The following CYP4F8 variants were observed in gnomAD, a reference collection of about 807,000 sequenced individuals.
The protein encoded by CYP4F8 is cytochrome P450 4F8.
In CYP4F8, 56 loss-of-function variants were observed where a neutral mutation model predicts 55.0. The observed-to-expected ratio is 1.02, with a 90% CI of 0.82 to 1.27. The LOEUF (loss-of-function observed/expected upper bound fraction) is 1.27. CYP4F8 is among the 50% of genes most tolerant of loss of function. The pLI is 0.00. For missense variants in CYP4F8, 680 were observed against 682.4 expected (o/e 1.00, Z 0.04); for synonymous variants, 288 against 267.3 (o/e 1.08, Z -0.76).
intron 9 of CYP4F8, among the ~76,000 whole-genome samples, chr19:15,626,970 G>A (rs562727909): frequency 3.9e-5 from 6 of 152,268 alleles, no homozygotes; most frequent in African/African-American, 7.2e-5. Context: ...CTCCAGGGGC[G>A]TGTGGACCTT....
chr19:15,626,605 ATATCTATCTATC>A (rs57706048), intron 9 of CYP4F8, among the ~76,000 whole-genome samples: 197 of 146,946 alleles, frequency 1.3e-3, no homozygotes, highest in African/African-American at 2.3e-3. Context: ...ATTGTTCTGG[ATATCTATCTATC>A]TATCTATCTA....
At chr19:15,622,133 G>T in intron 5 of CYP4F8, 86 bp from the exon 6 acceptor site, 3 of 1,511,022 alleles carry the variant, frequency 2.0e-6, no homozygotes, top group East Asian at 4.7e-5. Context: ...GCATGCCTCT[G>T]GGGGAGTCCA....
intron 5 of CYP4F8, chr19:15,621,891 G>T (rs1304344081): frequency 4.8e-6 from 1 of 207,094 alleles, no homozygotes; most frequent in African/African-American, 2.3e-5. Flanking sequence ...GGGGAAAAGG[G>T]GTTCTAGCCT....
chr19:15,618,823 C>G (rs1415516389), intron 3 of CYP4F8: 7 of 179,874 alleles, frequency 3.9e-5, no homozygotes, highest in Non-Finnish European at 6.0e-5. Context: ...TCATTGCCCT[C>G]TTGCTCCAGG....
rs1394894950 is a variant in CYP4F8 at position 15,630,499 on chromosome 19, G to A, written c.*1141G>A. On this transcript the variant is annotated 3_prime_UTR_variant, in exon 13 of 13. Transcript: ENST00000612078. The stretch of plus-strand genomic sequence containing the variant: ...ATGTTGCTGCAAACGACATGATTTT[G>A]TACTTTTTAATGACTGCATAGTATT... The A allele has an allele frequency of 6.6e-6, 1 of 152,212 alleles. No individual in the cohort carries two copies. Among genetic ancestry groups the A allele is most frequent in the Non-Finnish European group, 1.5e-5 (1 of 68,042 alleles). The allele number at this position is 152,212 out of a possible 1,614,324, so 9.4% of individuals were successfully genotyped here.
At chr19:15,624,243 C>T in intron 9 of CYP4F8, 149 bp downstream of exon 9, 3 of 1,356,454 alleles carry the variant, frequency 2.2e-6, no homozygotes, top group Non-Finnish European at 9.8e-7. Context: ...CAGAAACAGG[C>T]TAGCAAGGGT....
In CYP4F8 at chr19:15,628,971, G is replaced by A. The variant is rs920852950; in HGVS notation, c.1397+128G>A. 3.1e-6 allele frequency: 4 copies of A among 1,289,632 alleles called. No homozygotes were observed. In the South Asian group the frequency reaches 4.3e-5, roughly 14 times the overall value. The allele number at this position is 1,289,632 out of a possible 1,614,324, so 79.9% of individuals were successfully genotyped here. On this transcript the variant is annotated intron_variant, in intron 12 of 12. Coordinates refer to ENST00000612078, the MANE Select transcript of CYP4F8 (RefSeq NM_007253.4). Reference sequence around the variant, plus strand: ...GTTTTAAAGAAGATCCTAGGAAAAAGGGTGTGCTCAGAGCCTCCTGCCCCG... The same window carrying A: ...GTTTTAAAGAAGATCCTAGGAAAAAAGGTGTGCTCAGAGCCTCCTGCCCCG...
At chr19:15,622,906 A>C in intron 6 of CYP4F8, 199 bp from the exon 7 acceptor site, 1 of 610,058 alleles carries the variant, frequency 1.6e-6, no homozygotes, top group Non-Finnish European at 2.9e-6. Context: ...CAGAGAGAGG[A>C]GATGCCCATG....
At chr19:15,617,805 G>A (rs1473322000) in intron 2 of CYP4F8, among the ~76,000 whole-genome samples, 195 bp from the exon 3 acceptor site, 2 of 152,184 alleles carry the variant, frequency 1.3e-5, no homozygotes, top group African/African-American at 4.8e-5. Context: ...ATTCTACGTG[G>A]ACCCTCAACA....
intron 2 of CYP4F8, among the ~76,000 whole-genome samples, chr19:15,617,678 G>A (rs1462329391): frequency 2.6e-5 from 4 of 152,150 alleles, no homozygotes; most frequent in African/African-American, 9.7e-5. Flanking sequence ...CACTGGTGGT[G>A]CAATTCCGTC....
chr19:15,622,252 A>G lies in CYP4F8; in HGVS notation c.559A>G (p.Thr187Ala), dbSNP rs775750428. The change falls in exon 6 of 13, where the codon ACC becomes GCC. Residue 187 changes from threonine to alanine, a missense_variant. Transcript: ENST00000612078. ...KWQRLAMEGS[T>A]CLDVFEHISL... ...GCAACGCCTGGCCATGGAGGGCAGC[A>G]CCTGTCTGGATGTGTTTGAGCACAT... 6.2e-7 allele frequency: 1 copy of G among 1,613,734 alleles called. No individual in the cohort carries two copies. Among genetic ancestry groups the G allele is most frequent in the Admixed American group, 1.7e-5 (1 of 60,002 alleles).
intron 10 of CYP4F8, 39 bp from the exon 11 acceptor site, chr19:15,628,492 G>T: frequency 6.2e-7 from 1 of 1,613,432 alleles, no homozygotes; most frequent in Non-Finnish European, 8.5e-7. Flanking sequence ...CCAGCAGGCA[G>T]CTCGGACCTT....
At chr19:15,623,574 G>T in intron 7 of CYP4F8, 125 bp from the exon 8 acceptor site, 1 of 990,736 alleles carries the variant, frequency 1.0e-6, no homozygotes, top group Non-Finnish European at 1.4e-6. Context: ...TCGGAAGGAA[G>T]CATGTGGGGG....
chr19:15,629,143 G>A (rs1341338683), intron 12 of CYP4F8, 50 bp from the exon 13 acceptor site: 6 of 1,525,212 alleles, frequency 3.9e-6, no homozygotes, highest in Non-Finnish European at 5.3e-6. Context: ...GCGCAGTGGG[G>A]CCGGGATCTG....
intron 3 of CYP4F8, 82 bp from the exon 4 acceptor site, chr19:15,619,408 C>T: frequency 1.9e-6 from 3 of 1,549,716 alleles, no homozygotes; most frequent in South Asian, 1.2e-5. Flanking sequence ...ACGTCCAAAC[C>T]TCTGGCTGGG....
intron 9 of CYP4F8, among the ~76,000 whole-genome samples, chr19:15,624,974 G>A (rs1256287422): frequency 6.6e-6 from 1 of 151,766 alleles, no homozygotes; most frequent in Non-Finnish European, 1.5e-5. Flanking sequence ...GCAAAATGTT[G>A]CCTCGCATTG....
chr19:15,629,275 G>A lies in CYP4F8; in HGVS notation c.1480G>A (p.Asp494Asn), dbSNP rs774665584. The A allele has an allele frequency of 1.4e-5, 22 of 1,613,332 alleles. No individual in the cohort carries two copies. Among genetic ancestry groups the A allele is most frequent in the Non-Finnish European group, 1.8e-5 (21 of 1,179,674 alleles). ...LTLLRFRILP[D>N]HREPRRTPEI... ...GCTGCTGCGCTTCCGCATCCTGCCC[G>A]ACCACAGGGAGCCACGCAGGACGCC... Residue 494 changes from aspartate (D) to asparagine (N), a missense_variant, in exon 13 of 13, where the codon GAC becomes AAC. By Grantham distance (23) the Asp-to-Asn change is conservative. Transcript: ENST00000612078.
At chr19:15,629,136 C>T (rs1212087588) in intron 12 of CYP4F8, 57 bp from the exon 13 acceptor site, 1 of 1,515,410 alleles carries the variant, frequency 6.6e-7, no homozygotes, top group Non-Finnish European at 8.9e-7. Flanking sequence ...GTTCCTGGCG[C>T]AGTGGGGCCG....
intron 9 of CYP4F8, 89 bp downstream of exon 9, chr19:15,624,183 T>C (rs985120959): frequency 2.6e-6 from 4 of 1,546,896 alleles, no homozygotes; most frequent in African/African-American, 1.4e-5. Context: ...AAGGGGAGGA[T>C]CTTTTTGATG....
Sources: allele counts gnomAD v4.1 joint callset (sites outside exome capture counted in the v4.1 genomes callset), GRCh38; gene constraint gnomAD v4.1.1; transcripts MANE v1.5; gene names NCBI Gene and HGNC (gene_info 2026-07-23, HGNC 2026-07-21).